Variants in CNTNAP2 observed in about 807,000 individuals in gnomAD.
CNTNAP2 encodes the protein contactin-associated protein-like 2.
CNTNAP2 carries 98 observed loss-of-function variants against 155.2 expected under a neutral mutation model. That is an observed-to-expected ratio of 0.63 (90% CI 0.54 to 0.75). The LOEUF (loss-of-function observed/expected upper bound fraction) is 0.75, where lower values mean the gene tolerates loss of function less well. Ranked by LOEUF, CNTNAP2 falls within the 30% of genes least tolerant of loss-of-function variation. The pLI is 0.00. For synonymous variants in CNTNAP2, 651 were observed against 631.2 expected, an observed-to-expected ratio of 1.03 and a Z score of -0.47; for missense variants, 1,727 against 1,688.1, an observed-to-expected ratio of 1.02 and a Z score of -0.40.
At chr7:146,555,520 A>G (rs1203991308) in intron 1 of CNTNAP2, among the ~76,000 whole-genome samples, 1 of 151,902 alleles carries the variant, frequency 6.6e-6, no homozygotes, top group East Asian at 1.9e-4. Flanking sequence ...CTATCTATCT[A>G]TCTATCTATC....
intron 1 of CNTNAP2, among the ~76,000 whole-genome samples, chr7:146,253,526 A>G (rs1376015608): frequency 2.6e-5 from 4 of 152,172 alleles, no homozygotes; most frequent in East Asian, 1.9e-4. Context: ...GGTCTTCTTT[A>G]TTCCTATTTT....
intron 13 of CNTNAP2, among the ~76,000 whole-genome samples, chr7:147,886,984 A>G (rs1356559334): frequency 6.6e-6 from 1 of 152,176 alleles, no homozygotes; most frequent in Non-Finnish European, 1.5e-5. Context: ...CACATCCATG[A>G]TACTCCAAGT....
intron 15 of CNTNAP2, among the ~76,000 whole-genome samples, chr7:148,111,666 GA>G (rs375562810): frequency 0.011 from 1,666 of 152,186 alleles, 21 homozygotes; most frequent in South Asian, 0.042. Flanking sequence ...AAGAGTTAAA[GA>G]AAAGATCCTG....
At chr7:146,692,314 T>C (rs1025876911) in intron 1 of CNTNAP2, among the ~76,000 whole-genome samples, 35 of 152,180 alleles carry the variant, frequency 2.3e-4, no homozygotes, top group Admixed American at 2.2e-3. Flanking sequence ...ACATTTTCCC[T>C]ACATAAAAAC....
At chr7:146,438,977 C>A (rs1204089532) in intron 1 of CNTNAP2, among the ~76,000 whole-genome samples, 1 of 151,384 alleles carries the variant, frequency 6.6e-6, no homozygotes, top group African/African-American at 2.5e-5. Context: ...AAGAAGTTTT[C>A]TTTTCTAATT....
At chr7:146,270,175 C>T (rs566800427) in intron 1 of CNTNAP2, among the ~76,000 whole-genome samples, 4 of 152,256 alleles carry the variant, frequency 2.6e-5, no homozygotes, top group South Asian at 2.1e-4. Context: ...TCATGTTGTT[C>T]GTCTGCCCCA....
At chr7:147,703,870 C>A (rs1796272153) in intron 13 of CNTNAP2, among the ~76,000 whole-genome samples, 1 of 152,136 alleles carries the variant, frequency 6.6e-6, no homozygotes, top group Non-Finnish European at 1.5e-5. Context: ...ATGCACACAC[C>A]CTTCCCAGCC....
chr7:147,716,676 T>C (rs1282566335), intron 13 of CNTNAP2, among the ~76,000 whole-genome samples: 3 of 152,138 alleles, frequency 2.0e-5, no homozygotes, highest in Non-Finnish European at 2.9e-5. Flanking sequence ...TCCAGCTTCC[T>C]TATCTATGTT....
intron 3 of CNTNAP2, among the ~76,000 whole-genome samples, chr7:147,039,140 A>C: frequency 6.6e-6 from 1 of 152,332 alleles, no homozygotes; most frequent in Non-Finnish European, 1.5e-5. Context: ...CAATATGTAC[A>C]TATTACATAT....
chr7:148,284,460 T>C (rs2116468867), intron 21 of CNTNAP2, among the ~76,000 whole-genome samples: 1 of 152,086 alleles, frequency 6.6e-6, no homozygotes, highest in South Asian at 2.1e-4. Flanking sequence ...AAACCTCTTT[T>C]TCTCTGTAAA....
intron 13 of CNTNAP2, among the ~76,000 whole-genome samples, chr7:147,692,247 T>G (rs1796097630): frequency 6.6e-6 from 1 of 152,136 alleles, no homozygotes; most frequent in Non-Finnish European, 1.5e-5. Flanking sequence ...AGTTTATTTA[T>G]CCACTTACCT....
At position 147,034,434 on chromosome 7, in the gene CNTNAP2, A is replaced by G. The variant is rs1346181427; in HGVS notation, c.403-9473A>G. Among the ~76,000 whole-genome samples the G allele has an allele frequency of 2.0e-5, 3 of 152,070 alleles. No individual in the cohort carries two copies. In the East Asian group the frequency reaches 5.8e-4, roughly 29 times the overall value. ...GGGCATGTCATGGAGCTCAAACCCC[A>G]TGGCGGTGTCTAGGGTTTAGTGTTT... On this transcript the variant is annotated intron_variant, in intron 3 of 23. Transcript: ENST00000361727.
intron 3 of CNTNAP2, among the ~76,000 whole-genome samples, chr7:146,974,090 A>G (rs1797859128): frequency 1.3e-5 from 2 of 152,186 alleles, no homozygotes; most frequent in South Asian, 4.1e-4. Flanking sequence ...ACCCAGAATA[A>G]TCATAGTTAT....
At chr7:147,118,230 G>A (rs1801027689) in intron 5 of CNTNAP2, among the ~76,000 whole-genome samples, 1 of 152,052 alleles carries the variant, frequency 6.6e-6, no homozygotes, top group Admixed American at 6.6e-5. Context: ...AATACTTTCA[G>A]GAAAATAGCT....
At chr7:147,396,614 T>C (rs753020392) in intron 10 of CNTNAP2, among the ~76,000 whole-genome samples, 1 of 152,052 alleles carries the variant, frequency 6.6e-6, no homozygotes, top group Admixed American at 6.6e-5. Context: ...CTGTGAAATA[T>C]TATGATTATA....
rs562810729 is a variant in CNTNAP2, at chr7:148,275,683, C to G, written c.3475+8557C>G. 8.5e-5 allele frequency among the ~76,000 whole-genome samples: 13 copies of G among 152,316 alleles called. No homozygotes were observed. In the South Asian group the frequency reaches 2.5e-3, roughly 29 times the overall value. ...CACGAGCCAGGGGCTGAGTTCTCCC[C>G]CAAGGGTTCCAAATCATGGCTGCTT... On this transcript the variant is annotated intron_variant, in intron 21 of 23. Coordinates refer to ENST00000361727, the MANE Select transcript of CNTNAP2 (RefSeq NM_014141.6).
chr7:147,363,222 C>G (rs1490717083), intron 9 of CNTNAP2, among the ~76,000 whole-genome samples: 1 of 152,180 alleles, frequency 6.6e-6, no homozygotes, highest in African/African-American at 2.4e-5. Flanking sequence ...AGAGCTTACT[C>G]TCTGCTGTGT....
intron 1 of CNTNAP2, among the ~76,000 whole-genome samples, chr7:146,495,603 T>A (rs1427337154): frequency 6.6e-6 from 1 of 151,600 alleles, no homozygotes; most frequent in East Asian, 1.9e-4. Flanking sequence ...GTATAAGCAT[T>A]AAATTTACTT....
At chr7:147,501,630 T>A (rs577030177) in intron 11 of CNTNAP2, among the ~76,000 whole-genome samples, 1 of 152,344 alleles carries the variant, frequency 6.6e-6, no homozygotes, top group East Asian at 1.9e-4. Context: ...AAAAATAGAC[T>A]TTCTATTAGA....
Sources: gnomAD v4.1 joint callset for allele counts (sites outside exome capture counted in the v4.1 genomes callset) on GRCh38, gnomAD v4.1.1 for gene constraint, MANE v1.5 for transcripts, NCBI Gene and HGNC (gene_info 2026-07-23, HGNC 2026-07-21) for gene names.